RIMBP2: variants seen among roughly 807,000 people sequenced by gnomAD.
The protein encoded by RIMBP2 is RIMS-binding protein 2.
In RIMBP2, 48 loss-of-function variants were observed where a neutral mutation model predicts 118.6. The ratio of observed to expected loss-of-function variants is 0.40; its 90% CI spans 0.32 to 0.51. The LOEUF is 0.51. Ranked by LOEUF, RIMBP2 falls within the 20% of genes least tolerant of loss-of-function variation. The pLI is 0.41. For missense variants in RIMBP2, 1,551 were observed against 1,768.3 expected, an observed-to-expected ratio of 0.88 and a Z score of 2.20; for synonymous variants, 762 against 742.9, an observed-to-expected ratio of 1.03 and a Z score of -0.42.
rs372219569 is a variant in RIMBP2 at position 130,451,306 on chromosome 12, G to T, written c.393C>A (p.Ile131=). Residue 131 remains isoleucine (I), a synonymous_variant, in exon 8 of 23, where the codon ATC becomes ATA. Coordinates refer to ENST00000690449, the MANE Select transcript of RIMBP2 (RefSeq NM_001393629.1). ...GCGGAAGGGGCCGGATATATTCACC[G>T]ATCGCAGAGCTGCCTCCAATAGCGC... is the stretch of plus-strand genomic sequence containing the variant. ...QESAIGGSSA[I]GEYIRPLPQP... 2.0e-5 allele frequency: 33 copies of T among 1,613,976 alleles called. No homozygotes were observed. Among genetic ancestry groups the T allele is most frequent in the Non-Finnish European group, 2.7e-5 (32 of 1,179,878 alleles).
chr12:130,414,214 C>A lies in RIMBP2; in HGVS notation c.3331G>T (p.Ala1111Ser). 6.2e-7 allele frequency: 1 copy of A among 1,614,172 alleles called. No homozygotes were observed. The highest frequency in any genetic ancestry group is 8.5e-7 in the Non-Finnish European group (1 of 1,180,028). ...AEELPARIFV[A>S]LFDYDPLTMS... ...GTGAGCGGGTCGTAGTCAAAGAGAG[C>A]CACAAAGATCCGGGCCGGGAGCTCT... Residue 1111 changes from alanine to serine, a missense_variant, in exon 18 of 23, where the codon GCT becomes TCT. By Grantham distance (99) the Ala-to-Ser change is moderately conservative. This residue lies in a region of RIMBP2 where 1,038 missense variants were observed against 1,125.1 expected (regional missense o/e 0.92). Coordinates refer to ENST00000690449, the MANE Select transcript of RIMBP2 (RefSeq NM_001393629.1).
At chr12:130,438,694 G>C (rs904891203) in intron 11 of RIMBP2, among the ~76,000 whole-genome samples, 178 bp from the exon 12 acceptor site, 2 of 152,158 alleles carry the variant, frequency 1.3e-5, no homozygotes, top group African/African-American at 4.8e-5. Flanking sequence ...GGTGGGGCCG[G>C]GGTACAGTCA....
In RIMBP2 at chr12:130,424,509, A is replaced by G. The variant is rs934207044; in HGVS notation, c.2762T>C (p.Leu921Pro). ...CTCGTCCTCTTCACTCCCACAGTCC[A>G]GGCCGCTGTCCGGGCTCCGGGTGGC... Reference protein sequence around the residue: ...RSATRSPDSGLDCGSEEDESR... With the variant: ...RSATRSPDSGPDCGSEEDESR... The change falls in exon 16 of 23, where the codon CTG (leucine) becomes CCG (proline). Residue 921 changes from leucine to proline, a missense_variant. Transcript: ENST00000690449. This position sits in a 1 kb window ranked among gnomAD's most constrained non-coding sequence, Gnocchi z 9.8. 1.5e-5 allele frequency: 19 copies of G among 1,231,878 alleles called. No homozygotes were observed. The highest frequency in any genetic ancestry group is 1.9e-5 in the Non-Finnish European group (19 of 987,862). 76.3% of individuals were successfully genotyped at this position (1,231,878 alleles called of 1,614,324 possible). A position where few individuals can be genotyped will look rare whatever the true frequency, so the allele number is the denominator to read the frequency against.
At chr12:130,493,667 C>A (rs569296184) in intron 4 of RIMBP2, among the ~76,000 whole-genome samples, 305 of 152,218 alleles carry the variant, frequency 2.0e-3, no homozygotes, top group Non-Finnish European at 3.8e-3. Flanking sequence ...GTTTTTATGT[C>A]ACTCCTAGTG....
chr12:130,634,825 C>G (rs2062245716), intron 1 of RIMBP2, among the ~76,000 whole-genome samples: 1 of 152,106 alleles, frequency 6.6e-6, no homozygotes, highest in African/African-American at 2.4e-5. Context: ...TCTCAAACAC[C>G]TGAGCTCAAG....
chr12:130,396,148 A>C lies in RIMBP2; in HGVS notation c.*1213T>G. ...ATAAACAGTGTTGTATAAAATAACA[A>C]ATTTTATTTCTAGAAAATATTTTAC... On this transcript the variant is annotated 3_prime_UTR_variant, in exon 23 of 23. Transcript: ENST00000690449. 1 of 152,794 alleles carries C rather than the reference A, an allele frequency of 6.5e-6. No individual in the cohort carries two copies. 9.5% of individuals were successfully genotyped at this position (152,794 alleles called of 1,614,324 possible). A position where few individuals can be genotyped will look rare whatever the true frequency, so the allele number is the denominator to read the frequency against.
chr12:130,710,400 A>G lies in RIMBP2; in HGVS notation c.-352+5822T>C, dbSNP rs1298703666. Among the ~76,000 whole-genome samples, 1 of 151,976 alleles carries G rather than the reference A, an allele frequency of 6.6e-6. No homozygotes were observed. Among genetic ancestry groups the G allele is most frequent in the Non-Finnish European group, 1.5e-5 (1 of 67,992 alleles). On this transcript the variant is annotated intron_variant, in intron 1 of 22. Coordinates refer to ENST00000690449, the MANE Select transcript of RIMBP2 (RefSeq NM_001393629.1). The surrounding 1 kb of genome is among the most constrained non-coding windows in gnomAD (Gnocchi z 4.3). ...TCTCTGGTGTAGTGATTATTCATTC[A>G]CTTGCCCGTTGTCTTACACATGCAC...
intron 2 of RIMBP2, among the ~76,000 whole-genome samples, chr12:130,532,714 T>A (rs548993439): frequency 1.4e-4 from 18 of 124,228 alleles, no homozygotes; most frequent in African/African-American, 4.5e-4. Context: ...AGGAGTTACG[T>A]CTAATGAGAT....
intron 11 of RIMBP2, among the ~76,000 whole-genome samples, chr12:130,439,653 G>GAC (rs2077909894): frequency 1.0e-4 from 6 of 58,268 alleles, no homozygotes; most frequent in Admixed American, 2.4e-4. Context: ...GTGTGGGGGG[G>GAC]ATGTGTTTTT....
chr12:130,602,217 C>T (rs2059919004), intron 2 of RIMBP2, among the ~76,000 whole-genome samples: 1 of 152,204 alleles, frequency 6.6e-6, no homozygotes, highest in South Asian at 2.1e-4. Flanking sequence ...AACCCATTAA[C>T]CCTCATAATA....
At chr12:130,479,527 A>C (rs536460921) in intron 4 of RIMBP2, among the ~76,000 whole-genome samples, 65 of 152,200 alleles carry the variant, frequency 4.3e-4, no homozygotes, top group Non-Finnish European at 8.5e-4. Context: ...ACAGGATGTC[A>C]TCCTTGCCCA....
intron 4 of RIMBP2, among the ~76,000 whole-genome samples, chr12:130,490,283 G>T (rs1365648753): frequency 3.3e-5 from 5 of 151,770 alleles, no homozygotes; most frequent in African/African-American, 4.8e-5. Flanking sequence ...CGGAAATGTT[G>T]ATTTTGCTGA....
In RIMBP2 at chr12:130,657,446, G is replaced by A. The variant is rs371059569; in HGVS notation, c.-351-28990C>T. ...TCCCAGCCGGAAGCAGGCCCCGGGA[G>A]GAGAAAGAAAAAGTTCTAAGTTCAG... On this transcript the variant is annotated intron_variant, in intron 1 of 22. Transcript: ENST00000690449. Among the ~76,000 whole-genome samples, 8 of 152,320 alleles carry A rather than the reference G, an allele frequency of 5.3e-5. No homozygotes were observed. In the East Asian group the frequency reaches 1.4e-3, roughly 26 times the overall value.
chr12:130,464,401 G>A (rs575602615), intron 6 of RIMBP2, among the ~76,000 whole-genome samples: 13 of 152,018 alleles, frequency 8.6e-5, no homozygotes, highest in Non-Finnish European at 1.8e-4. Context: ...CAGGCCCTAC[G>A]TGATTTCATT....
At chr12:130,650,973 A>AAAAAAAAAAG (rs71088775) in intron 1 of RIMBP2, among the ~76,000 whole-genome samples, 1 of 143,216 alleles carries the variant, frequency 7.0e-6, no homozygotes. Context: ...AAAAAAAAAA[A>AAAAAAAAAAG]AAAGAAAGAA....
chr12:130,570,696 G>C (rs900401301), intron 2 of RIMBP2, among the ~76,000 whole-genome samples: 2 of 152,184 alleles, frequency 1.3e-5, no homozygotes, highest in African/African-American at 4.8e-5. Flanking sequence ...CTGTGGAGCA[G>C]TGACTCTAGC....
intron 2 of RIMBP2, among the ~76,000 whole-genome samples, chr12:130,540,818 C>T (rs994289020): frequency 3.9e-5 from 6 of 152,154 alleles, no homozygotes; most frequent in African/African-American, 9.7e-5. Context: ...TGGCTTTCTG[C>T]GTGGTGAGCA....
rs776771802 is a variant in RIMBP2, at chr12:130,460,926, C to G, written c.154-4226G>C. 1.6e-4 allele frequency among the ~76,000 whole-genome samples: 24 copies of G among 152,290 alleles called. 1 individual carries two copies. Among genetic ancestry groups the G allele is most frequent in the Admixed American group, 6.5e-4 (10 of 15,298 alleles). ...ACTGCACAGGAGATTCCATGCCCTC[C>G]TGTGACACAAAGTCACTCCCTTCTT... On this transcript the variant is annotated intron_variant, in intron 6 of 22. Coordinates refer to ENST00000690449, the MANE Select transcript of RIMBP2 (RefSeq NM_001393629.1).
chr12:130,438,581 G>C, intron 11 of RIMBP2, 65 bp from the exon 12 acceptor site: 1 of 1,413,224 alleles, frequency 7.1e-7, no homozygotes, highest in Non-Finnish European at 9.5e-7. Flanking sequence ...GCCGTGACTG[G>C]GCTCTGCCCA....
Sources: allele counts gnomAD v4.1 joint callset (sites outside exome capture counted in the v4.1 genomes callset), GRCh38; gene constraint gnomAD v4.1.1; regional missense constraint gnomAD v4.1.1; non-coding constraint Gnocchi (gnomAD v3.1); transcripts MANE v1.5; gene names NCBI Gene and HGNC (gene_info 2026-07-23, HGNC 2026-07-21).